STAG3: variants seen among roughly 807,000 people sequenced by gnomAD.
The protein encoded by STAG3 is STAG3 cohesin complex component.
In STAG3, 101 loss-of-function variants were observed where a neutral mutation model predicts 160.7. The observed-to-expected ratio is 0.63, with a 90% CI of 0.54 to 0.74. The LOEUF (loss-of-function observed/expected upper bound fraction) is 0.74, where lower values mean the gene tolerates loss of function less well. Among genes scored for constraint, STAG3 ranks in the 30% least tolerant of loss-of-function variants. STAG3 has a pLI of 0.00. For missense variants in STAG3, 1,188 were observed against 1,517.4 expected (o/e 0.78, Z 3.61); for synonymous variants, 519 against 585.0 (o/e 0.89, Z 1.63).
chr7:100,202,138 G>A, intron 23 of STAG3, 34 bp from the exon 24 acceptor site: 19 of 1,609,710 alleles, frequency 1.2e-5, no homozygotes, highest in Non-Finnish European at 1.5e-5. Flanking sequence ...GAAACATTCT[G>A]TCCTTTTAAA....
Position 100,206,759 on chromosome 7 carries a change from C to T in STAG3, c.3238+1375C>T, listed in dbSNP as rs545463801. On this transcript the variant is annotated intron_variant, in intron 29 of 33. Transcript: ENST00000615138. ...TGCTCCCAAAGTGCTGGTGAGCCCCCGTGCCCAGCCAAAAATCACCCTTTT... is the reference window on the plus strand; with the variant it reads ...TGCTCCCAAAGTGCTGGTGAGCCCCTGTGCCCAGCCAAAAATCACCCTTTT... Among the ~76,000 whole-genome samples, 4 of 152,158 alleles carry T rather than the reference C, an allele frequency of 2.6e-5. No individual in the cohort carries two copies. The South Asian group carries it at 6.2e-4, about 24-fold the overall frequency.
rs774165002 is a variant in STAG3 at position 100,188,968 on chromosome 7, C to T, written c.667C>T (p.Leu223Phe). 2 of 1,614,034 alleles carry T rather than the reference C, an allele frequency of 1.2e-6. No homozygotes were observed. Among genetic ancestry groups the T allele is most frequent in the Admixed American group, 1.7e-5 (1 of 59,998 alleles). ...MDDLISLLTG[L>F]SDSQVRAFRH... Reference sequence around the variant, plus strand: ...CGACCTCATCTCCCTGCTCACTGGCCTCTCAGACTCACAAGTCCGCGCCTT... The same window carrying T: ...CGACCTCATCTCCCTGCTCACTGGCTTCTCAGACTCACAAGTCCGCGCCTT... Residue 223 changes from leucine (L) to phenylalanine (F), a missense_variant, in exon 7 of 34, where the codon CTC becomes TTC. Physicochemically the swap from Leu to Phe is conservative, Grantham distance 22. Coordinates refer to ENST00000615138, the MANE Select transcript of STAG3 (RefSeq NM_001282717.2).
rs775333332 is a variant in STAG3 at position 100,200,897 on chromosome 7, G to A, written c.1989G>A (p.Ala663=). ...CNPEFTFFSR[A]DFARSQLVDL... is the part of the protein sequence containing the mutation. ...CCGAATTCACTTTCTTCAGCCGGGC[G>A]GACTTTGCCCGCAGCCAGCTAGTAG... The change falls in exon 19 of 34, where the codon GCG becomes GCA. Residue 663 remains alanine, a synonymous_variant. Transcript: ENST00000615138. 18 of 1,614,098 alleles carry A rather than the reference G, an allele frequency of 1.1e-5. No homozygotes were observed. Among genetic ancestry groups the A allele is most frequent in the African/African-American group, 2.7e-5 (2 of 74,936 alleles).
chr7:100,206,566 C>G (rs757011817), intron 29 of STAG3, among the ~76,000 whole-genome samples: 2 of 151,854 alleles, frequency 1.3e-5, no homozygotes, highest in African/African-American at 4.8e-5. Flanking sequence ...CCGCCTCCCA[C>G]GTTCAAGTGG....
intron 4 of STAG3, among the ~76,000 whole-genome samples, chr7:100,185,911 C>T (rs1280012720): frequency 6.6e-6 from 1 of 152,224 alleles, no homozygotes; most frequent in African/African-American, 2.4e-5. Flanking sequence ...TAGGCTCTAC[C>T]TCCTGTGCTC....
In STAG3 at chr7:100,213,713, CTT is replaced by C; in HGVS notation, c.3601-19_3601-18del. The C allele has an allele frequency of 1.2e-6, 2 of 1,613,856 alleles. No individual in the cohort carries two copies. The highest frequency in any genetic ancestry group is 1.7e-6 in the Non-Finnish European group (2 of 1,179,900). On this transcript the variant is annotated intron_variant, in intron 32 of 33. Coordinates refer to ENST00000615138, the MANE Select transcript of STAG3 (RefSeq NM_001282717.2). The stretch of plus-strand genomic sequence containing the variant: ...CAGGAGTGTGTAAAGGCCTTTTTGA[CTT>C]TTAACCTCATTCTCTCTAGCAAGCA...
rs1799859090 is a variant in STAG3 at position 100,184,470 on chromosome 7, T to TTTG, written c.336+1633_336+1634insGTT. On this transcript the variant is annotated intron_variant, in intron 4 of 33. Coordinates refer to ENST00000615138, the MANE Select transcript of STAG3 (RefSeq NM_001282717.2). ...CAGTTGTACAGCGTGTTAGTTTTTT[T>TTTG]TTTTTTTTTTTTTTTTGAGACGGAG... is the stretch of plus-strand genomic sequence containing the variant. Among the ~76,000 whole-genome samples, 14 of 138,506 alleles carry TTTG rather than the reference T, an allele frequency of 1.0e-4. 1 individual carries two copies. Among genetic ancestry groups the TTTG allele is most frequent in the South Asian group, 4.8e-4 (2 of 4,172 alleles). 90.9% of individuals were successfully genotyped at this position (138,506 alleles called of 152,430 possible).
Position 100,202,190 on chromosome 7 carries a change from G to A in STAG3, c.2413G>A (p.Asp805Asn). The A allele has an allele frequency of 6.2e-7, 1 of 1,613,626 alleles. No individual in the cohort carries two copies. Among genetic ancestry groups the A allele is most frequent in the Non-Finnish European group, 8.5e-7 (1 of 1,179,912 alleles). Reference sequence around the variant, plus strand: ...CCTACAGGCTTTTGTCTTATTAAGTGATCTACTTCTCATCTTTAGCCCTCA... The same window carrying A: ...CCTACAGGCTTTTGTCTTATTAAGTAATCTACTTCTCATCTTTAGCCCTCA... ...IQEQAFVLLS[D>N]LLLIFSPQMI... Residue 805 changes from aspartate to asparagine, a missense_variant, in exon 24 of 34, where the codon GAT becomes AAT. By Grantham distance (23) the Asp-to-Asn change is conservative. Around this residue, in one of 4 missense-constraint regions of STAG3, gnomAD observed 647 missense variants for 717.2 expected, o/e 0.90. Transcript: ENST00000615138.
intron 1 of STAG3, 88 bp from the exon 2 acceptor site, chr7:100,180,405 A>G: frequency 1.6e-6 from 1 of 641,404 alleles, no homozygotes; most frequent in Non-Finnish European, 2.8e-6. Context: ...AGAGTTCTAG[A>G]ACCATTCCCT....
At chr7:100,210,689 T>G (rs1352773204) in intron 29 of STAG3, among the ~76,000 whole-genome samples, 1 of 152,316 alleles carries the variant, frequency 6.6e-6, no homozygotes, top group East Asian at 1.9e-4. Context: ...CTCCCTCATG[T>G]TTGTGTTCAC....
Position 100,189,464 on chromosome 7 carries a change from C to T in STAG3, c.735C>T (p.Ser245=). 3 of 1,613,608 alleles carry T rather than the reference C, an allele frequency of 1.9e-6. No individual in the cohort carries two copies. The highest frequency in any genetic ancestry group is 1.7e-5 in the Admixed American group (1 of 59,848). The change falls in exon 8 of 34, where the codon TCC becomes TCT. Residue 245 remains serine, a synonymous_variant. Transcript: ENST00000615138. ...STLAAMKLMT[S]LVKVALQLSV... ...TCAAAGCTATGAAACTGATGACCTCCCTGGTAAAAGTTGCCCTCCAACTGA... is the reference window on the plus strand; with the variant it reads ...TCAAAGCTATGAAACTGATGACCTCTCTGGTAAAAGTTGCCCTCCAACTGA...
chr7:100,213,417 A>G, intron 32 of STAG3: 6 of 985,452 alleles, frequency 6.1e-6, no homozygotes, highest in Non-Finnish European at 7.2e-6. Flanking sequence ...AGAAGGAGAA[A>G]CCAAACAATG....
At chr7:100,211,250 G>C in intron 30 of STAG3, 65 bp downstream of exon 30, 1 of 1,526,298 alleles carries the variant, frequency 6.6e-7, no homozygotes, top group Non-Finnish European at 8.8e-7. Flanking sequence ...CCTCCATCTT[G>C]CTGTTTCTGT....
Position 100,199,600 on chromosome 7 carries a change from G to A in STAG3, c.1633G>A (p.Ala545Thr). ...IEILVSSARQ[A>T]SEGHPPVGRV... ...AATCCTTGTGTCCAGTGCCCGGCAA[G>A]CTTCAGAGGGGCACCCGCCTGTGGG... Residue 545 changes from alanine to threonine, a missense_variant, in exon 16 of 34, where the codon GCT becomes ACT. Physicochemically the swap from Ala to Thr is moderately conservative, Grantham distance 58. This residue lies in a region of STAG3 where 240 missense variants were observed against 358.1 expected (regional missense o/e 0.67). Coordinates refer to ENST00000615138, the MANE Select transcript of STAG3 (RefSeq NM_001282717.2). 6.3e-7 allele frequency: 1 copy of A among 1,590,706 alleles called. No individual in the cohort carries two copies. Among genetic ancestry groups the A allele is most frequent in the Non-Finnish European group, 8.6e-7 (1 of 1,168,654 alleles).
chr7:100,215,279 A>G (rs1214167613), downstream of STAG3: 1 of 152,094 alleles, frequency 6.6e-6, no homozygotes, highest in Admixed American at 6.5e-5. Context: ...TGTGCAGAAA[A>G]AGCCGTGACT....
chr7:100,214,067 A>G lies in STAG3; in HGVS notation c.*52A>G, dbSNP rs201733339. 2,919 of 1,607,520 alleles carry G rather than the reference A, an allele frequency of 1.8e-3. 4 individuals are homozygous for G. The highest frequency in any genetic ancestry group is 2.3e-3 in the Non-Finnish European group (2,653 of 1,175,504). On this transcript the variant is annotated 3_prime_UTR_variant, in exon 34 of 34. Transcript: ENST00000615138. ...CACTCCCTACCTCAAGAATGTGACC[A>G]TTTGGAAAAGGCAAAGAGAAAAGGA... is the stretch of plus-strand genomic sequence containing the variant.
chr7:100,197,916 G>C (rs1293410738), intron 11 of STAG3, 40 bp downstream of exon 11: 1 of 1,583,088 alleles, frequency 6.3e-7, no homozygotes, highest in East Asian at 2.2e-5. Flanking sequence ...TCTTTGTCGT[G>C]GTTCCTATTT....
chr7:100,202,833 C>T (rs1801263360), intron 25 of STAG3, among the ~76,000 whole-genome samples: 2 of 152,090 alleles, frequency 1.3e-5, no homozygotes, highest in Admixed American at 1.3e-4. Flanking sequence ...TTCTTCCTGT[C>T]CAGAAATATT....
In STAG3 at chr7:100,188,650, G is replaced by T; in HGVS notation, c.510+121G>T. 3.6e-6 allele frequency: 4 copies of T among 1,110,216 alleles called. No individual in the cohort carries two copies. The South Asian group carries it at 5.1e-5, about 14-fold the overall frequency. 68.8% of individuals were successfully genotyped at this position (1,110,216 alleles called of 1,614,324 possible). Reference sequence around the variant, plus strand: ...TTAGAAGGAGGAATTCAGTCTCTTGGGGGTAAAAGAGATCTGAATATGCCT... The same window carrying T: ...TTAGAAGGAGGAATTCAGTCTCTTGTGGGTAAAAGAGATCTGAATATGCCT... On this transcript the variant is annotated intron_variant, in intron 6 of 33. Transcript: ENST00000615138.
Sources: allele counts gnomAD v4.1 joint callset (sites outside exome capture counted in the v4.1 genomes callset), GRCh38; gene constraint gnomAD v4.1.1; regional missense constraint gnomAD v4.1.1; transcripts MANE v1.5; gene names NCBI Gene and HGNC (gene_info 2026-07-23, HGNC 2026-07-21).